PPARGC1A: variants seen among roughly 807,000 people sequenced by gnomAD.
PPARGC1A encodes the protein peroxisome proliferator-activated receptor gamma coactivator 1-alpha.
A neutral mutation model predicts 88.7 loss-of-function variants in PPARGC1A; 25 were observed. That is an observed-to-expected ratio of 0.28 (90% CI 0.21 to 0.39). PPARGC1A has a LOEUF of 0.39. PPARGC1A is among the 10% of genes least tolerant of loss of function. The probability of loss-of-function intolerance (pLI) is 1.00; values close to 1 mark genes in which losing one functional copy is unlikely to be tolerated. For missense variants in PPARGC1A, 880 were observed against 968.7 expected, an observed-to-expected ratio of 0.91 and a Z score of 1.22; for synonymous variants, 363 against 355.6, an observed-to-expected ratio of 1.02 and a Z score of -0.24.
At chr4:24,134,615 T>G in the PPARGC1A span, among the ~76,000 whole-genome samples, 1 of 152,234 alleles carries the variant, frequency 6.6e-6, no homozygotes, top group Non-Finnish European at 1.5e-5. Context: ...TTAAACACAT[T>G]ATCCTTATTT....
the PPARGC1A span, among the ~76,000 whole-genome samples, chr4:24,035,677 T>C: frequency 0.029 from 4,434 of 152,286 alleles, 199 homozygotes; most frequent in African/African-American, 0.1. Context: ...AGCATGATGG[T>C]ACACAGGCAG....
chr4:23,842,051 A>C (rs1186686834), intron 2 of PPARGC1A, among the ~76,000 whole-genome samples: 1 of 152,114 alleles, frequency 6.6e-6, no homozygotes, highest in Non-Finnish European at 1.5e-5. Flanking sequence ...TTGGGATTTT[A>C]TGGAAGATAT....
chr4:23,873,245 C>G (rs903147344), intron 2 of PPARGC1A, among the ~76,000 whole-genome samples: 1 of 148,662 alleles, frequency 6.7e-6, no homozygotes, highest in African/African-American at 2.5e-5. Flanking sequence ...ATGTGACCAG[C>G]CATATCCCAA....
At chr4:24,059,979 C>T in the PPARGC1A span, among the ~76,000 whole-genome samples, 44 of 152,330 alleles carry the variant, frequency 2.9e-4, no homozygotes, top group African/African-American at 7.5e-4. Context: ...CCCACTGCCA[C>T]CATGCACAAG....
At chr4:24,038,676 T>C in the PPARGC1A span, among the ~76,000 whole-genome samples, 1 of 152,192 alleles carries the variant, frequency 6.6e-6, no homozygotes, top group African/African-American at 2.4e-5. Flanking sequence ...TCTGGGTTGC[T>C]GGCTTGGATT....
the PPARGC1A span, among the ~76,000 whole-genome samples, chr4:24,330,425 G>A: frequency 6.6e-6 from 1 of 152,170 alleles, no homozygotes; most frequent in South Asian, 2.1e-4. Flanking sequence ...GAGGTCCTGG[G>A]GAAAGAATGC....
At chr4:24,297,563 T>C in the PPARGC1A span, among the ~76,000 whole-genome samples, 2 of 152,276 alleles carry the variant, frequency 1.3e-5, no homozygotes, top group East Asian at 1.9e-4. Context: ...AAAGGGTCAA[T>C]GCAAAAATGA....
chr4:24,300,264 C>T, the PPARGC1A span, among the ~76,000 whole-genome samples: 1 of 141,136 alleles, frequency 7.1e-6, no homozygotes, highest in Non-Finnish European at 1.5e-5. Flanking sequence ...AACGAATTTA[C>T]TACTGCTTTT....
the PPARGC1A span, among the ~76,000 whole-genome samples, chr4:24,171,982 T>C: frequency 6.6e-6 from 1 of 152,230 alleles, no homozygotes; most frequent in African/African-American, 2.4e-5. Context: ...GCACATGACT[T>C]TCCATAATGT....
At chr4:23,873,798 GA>G (rs200450986) in intron 2 of PPARGC1A, among the ~76,000 whole-genome samples, 5 of 148,336 alleles carry the variant, frequency 3.4e-5, no homozygotes, top group South Asian at 2.1e-4. Flanking sequence ...AGAATAGAAA[GA>G]AAAAAAAAGA....
the PPARGC1A span, among the ~76,000 whole-genome samples, chr4:24,269,496 C>T: frequency 4.6e-5 from 7 of 152,124 alleles, no homozygotes; most frequent in African/African-American, 7.2e-5. Context: ...TTGAGTTCTA[C>T]GTTCAAATCT....
At chr4:24,445,572 A>G in the PPARGC1A span, among the ~76,000 whole-genome samples, 2 of 152,186 alleles carry the variant, frequency 1.3e-5, no homozygotes, top group Non-Finnish European at 2.9e-5. Context: ...ATGTTGGTAT[A>G]TGTGAAGCTT....
intron 10 of PPARGC1A, among the ~76,000 whole-genome samples, chr4:23,807,735 TTGTGTGTGTGTGTG>T (rs578197512): frequency 6.7e-6 from 1 of 150,044 alleles, no homozygotes. Context: ...TTTTTTTCTT[TTGTGTGTGTGTGTG>T]TGTGTATGTG....
intron 2 of PPARGC1A, among the ~76,000 whole-genome samples, chr4:23,863,682 G>A (rs1487607579): frequency 6.6e-6 from 1 of 152,086 alleles, no homozygotes; most frequent in African/African-American, 2.4e-5. Context: ...GAAAGCCGAC[G>A]TCTAAAATGC....
chr4:24,258,103 A>G, the PPARGC1A span: 1 of 467,052 alleles, frequency 2.1e-6, no homozygotes, highest in East Asian at 1.6e-4. Flanking sequence ...CTGGGTGTGA[A>G]ACTTGGTGTT....
chr4:24,417,714 C>T, the PPARGC1A span, among the ~76,000 whole-genome samples: 12 of 151,750 alleles, frequency 7.9e-5, no homozygotes, highest in East Asian at 2.1e-3. Context: ...AATAATTTGT[C>T]GACACATAAA....
At chr4:24,238,992 T>C in the PPARGC1A span, among the ~76,000 whole-genome samples, 2 of 152,194 alleles carry the variant, frequency 1.3e-5, no homozygotes, top group African/African-American at 2.4e-5. Context: ...GGTTAATATA[T>C]AAGCCATTGC....
At chr4:23,822,834 TTC>T (rs1723239101) in intron 7 of PPARGC1A, among the ~76,000 whole-genome samples, 3 of 152,100 alleles carry the variant, frequency 2.0e-5, no homozygotes, top group African/African-American at 7.2e-5. Context: ...TCTAAATCAC[TTC>T]TGTTACATAA....
the PPARGC1A span, among the ~76,000 whole-genome samples, chr4:24,153,212 G>A: frequency 2.6e-5 from 4 of 152,074 alleles, no homozygotes; most frequent in Admixed American, 6.6e-5. Context: ...GAAAGAGGAC[G>A]AGGAATACTG....
Sources: gnomAD v4.1 joint callset for allele counts (sites outside exome capture counted in the v4.1 genomes callset) on GRCh38, gnomAD v4.1.1 for gene constraint, MANE v1.5 for transcripts, NCBI Gene and HGNC (gene_info 2026-07-23, HGNC 2026-07-21) for gene names.